Variants in TTBK2 observed in about 807,000 individuals in gnomAD.
TTBK2 encodes the protein tau tubulin kinase 2.
Under a neutral mutation model 110.8 loss-of-function variants are expected in TTBK2, and 28 were observed. That is an observed-to-expected ratio of 0.25 (90% confidence interval 0.19 to 0.35). The LOEUF (loss-of-function observed/expected upper bound fraction) is 0.35. Ranked by LOEUF, TTBK2 falls within the 10% of genes least tolerant of loss-of-function variation. TTBK2 has a pLI of 1.00. For synonymous variants in TTBK2, 532 were observed against 527.3 expected (o/e 1.01, Z -0.12); for missense variants, 1,369 against 1,500.3 (o/e 0.91, Z 1.45).
At position 42,920,597 on chromosome 15, in the gene TTBK2, G is replaced by T. The variant is rs552342313; in HGVS notation, c.-227C>A. 9 of 154,002 alleles carry T rather than the reference G, an allele frequency of 5.8e-5. No homozygotes were observed. Among genetic ancestry groups the T allele is most frequent in the South Asian group, 1.8e-4 (1 of 5,690 alleles). 9.5% of individuals were successfully genotyped at this position (154,002 alleles called of 1,614,324 possible). On this transcript the variant is annotated 5_prime_UTR_variant, in exon 1 of 15. Coordinates refer to ENST00000267890, the MANE Select transcript of TTBK2 (RefSeq NM_173500.4). The stretch of plus-strand genomic sequence containing the variant: ...CCGAGCGCGGCTTCCAGGGCCGGCC[G>T]GCTGGGTAGTCCCCTGGGGTACCGT...
At chr15:42,888,288 A>T (rs1895321617) in intron 1 of TTBK2, among the ~76,000 whole-genome samples, 1 of 151,946 alleles carries the variant, frequency 6.6e-6, no homozygotes, top group African/African-American at 2.4e-5. Context: ...CACTTCGTTG[A>T]GTCTCCCACA....
rs116259313 is a variant in TTBK2, at chr15:42,793,965, G to C, written c.980+679C>G. On this transcript the variant is annotated intron_variant, in intron 10 of 14. Transcript: ENST00000267890. ...GGGTCCCACTCTGTTGCATAGGCTA[G>C]AGTGTAGTGGCACAATCATAGCCCA... 5.2e-3 allele frequency among the ~76,000 whole-genome samples: 791 copies of C among 151,686 alleles called. 9 individuals are homozygous for C. Among genetic ancestry groups the C allele is most frequent in the African/African-American group, 0.018 (752 of 41,396 alleles).
chr15:42,802,664 G>T (rs955377401), intron 9 of TTBK2, among the ~76,000 whole-genome samples: 2 of 152,174 alleles, frequency 1.3e-5, no homozygotes, highest in Non-Finnish European at 2.9e-5. Context: ...TAGCAACGGG[G>T]ATACATTCTG....
chr15:42,842,981 T>C (rs1893292038), intron 3 of TTBK2, among the ~76,000 whole-genome samples: 1 of 152,212 alleles, frequency 6.6e-6, no homozygotes, highest in Non-Finnish European at 1.5e-5. Flanking sequence ...CAACTTACTC[T>C]TGTCCTCCAG....
chr15:42,920,361 G>C (rs892363565), intron 1 of TTBK2, 77 bp downstream of exon 1: 1 of 152,490 alleles, frequency 6.6e-6, no homozygotes, highest in Non-Finnish European at 1.5e-5. Context: ...TCGGTCACTC[G>C]GCGAGGGGTG....
chr15:42,812,790 T>C (rs1235602468), intron 7 of TTBK2, among the ~76,000 whole-genome samples: 2 of 151,598 alleles, frequency 1.3e-5, no homozygotes, highest in African/African-American at 4.9e-5. Context: ...CCAACCAGAT[T>C]TGGAAAATGA....
intron 1 of TTBK2, among the ~76,000 whole-genome samples, chr15:42,896,203 C>T (rs1020349900): frequency 2.0e-5 from 3 of 152,018 alleles, no homozygotes; most frequent in Admixed American, 6.6e-5. Context: ...TGGCACATGC[C>T]TGTAATCCCA....
chr15:42,762,907 T>C (rs2140665560), intron 13 of TTBK2, among the ~76,000 whole-genome samples: 1 of 149,230 alleles, frequency 6.7e-6, no homozygotes, highest in South Asian at 2.1e-4. Flanking sequence ...ATGAGGAAGC[T>C]AAAAAAAAGT....
At chr15:42,820,935 C>A (rs1041937603) in intron 6 of TTBK2, among the ~76,000 whole-genome samples, 1 of 152,074 alleles carries the variant, frequency 6.6e-6, no homozygotes, top group Non-Finnish European at 1.5e-5. Flanking sequence ...GAGAATCCCC[C>A]AGCTATTTAG....
chr15:42,750,198 AT>A (rs1367465205), intron 14 of TTBK2, among the ~76,000 whole-genome samples: 1 of 152,212 alleles, frequency 6.6e-6, no homozygotes, highest in African/African-American at 2.4e-5. Context: ...AACAAAAAAA[AT>A]AAAAAAACTT....
intron 3 of TTBK2, among the ~76,000 whole-genome samples, chr15:42,849,547 T>C (rs958387373): frequency 2.0e-5 from 3 of 152,336 alleles, no homozygotes; most frequent in Non-Finnish European, 2.9e-5. Context: ...TTGAATATTA[T>C]GTTATGAGAC....
chr15:42,828,952 A>G (rs1001611177), intron 5 of TTBK2, among the ~76,000 whole-genome samples: 1 of 152,132 alleles, frequency 6.6e-6, no homozygotes, highest in African/African-American at 2.4e-5. Context: ...CAGAATTGTT[A>G]GTTTTTTTTG....
At chr15:42,821,389 T>G (rs1241177615) in intron 6 of TTBK2, among the ~76,000 whole-genome samples, 2 of 152,222 alleles carry the variant, frequency 1.3e-5, no homozygotes, top group East Asian at 3.9e-4. Flanking sequence ...CAGGTTTAAT[T>G]TGCTTTACTT....
chr15:42,881,946 A>G (rs1895066624), intron 1 of TTBK2, among the ~76,000 whole-genome samples: 1 of 152,194 alleles, frequency 6.6e-6, no homozygotes, highest in Admixed American at 6.5e-5. Flanking sequence ...TGGGGTCAAT[A>G]GAAAAATGGC....
intron 1 of TTBK2, among the ~76,000 whole-genome samples, chr15:42,889,327 C>T (rs1212609704): frequency 6.6e-6 from 1 of 152,134 alleles, no homozygotes; most frequent in Non-Finnish European, 1.5e-5. Context: ...AGGCCTTTCC[C>T]ACAGGATCTG....
chr15:42,761,777 A>G (rs1163903056), intron 13 of TTBK2, among the ~76,000 whole-genome samples: 1 of 152,220 alleles, frequency 6.6e-6, no homozygotes, highest in African/African-American at 2.4e-5. Flanking sequence ...GGCTATCATC[A>G]AAAAGACAAA....
chr15:42,851,290 A>T (rs1893701469), intron 3 of TTBK2, among the ~76,000 whole-genome samples: 1 of 151,738 alleles, frequency 6.6e-6, no homozygotes, highest in Non-Finnish European at 1.5e-5. Context: ...AAAATAGTTC[A>T]GGATGACCAG....
intron 1 of TTBK2, among the ~76,000 whole-genome samples, chr15:42,907,447 G>T (rs974191555): frequency 6.6e-6 from 1 of 152,112 alleles, no homozygotes; most frequent in African/African-American, 2.4e-5. Context: ...CCAGATGAAT[G>T]GATAAAGAAA....
At chr15:42,906,868 C>A (rs1328503351) in intron 1 of TTBK2, among the ~76,000 whole-genome samples, 1 of 151,648 alleles carries the variant, frequency 6.6e-6, no homozygotes, top group Non-Finnish European at 1.5e-5. Flanking sequence ...GGCAAAAGAT[C>A]TGAATGGACA....
Sources: allele counts gnomAD v4.1 joint callset (sites outside exome capture counted in the v4.1 genomes callset), GRCh38; gene constraint gnomAD v4.1.1; transcripts MANE v1.5; gene names NCBI Gene and HGNC (gene_info 2026-07-23, HGNC 2026-07-21).